Variants in AADACL4 observed in about 807,000 individuals in gnomAD.
AADACL4 encodes the protein arylacetamide deacetylase like 4.
In AADACL4, 9 loss-of-function variants were observed where a neutral mutation model predicts 14.1. The ratio of observed to expected loss-of-function variants is 0.64; its 90% CI spans 0.39 to 1.12. AADACL4 has a LOEUF of 1.12. Among genes scored for constraint, AADACL4 ranks in the 50% most tolerant of loss-of-function variants. The pLI is 0.01. For missense variants in AADACL4, 531 were observed against 516.1 expected (o/e 1.03, Z -0.28); for synonymous variants, 188 against 201.6 (o/e 0.93, Z 0.57).
rs995211119 is a variant in AADACL4 at position 12,644,441 on chromosome 1, G to C, written c.-106G>C. On this transcript the variant is annotated 5_prime_UTR_variant, in exon 1 of 4. Coordinates refer to ENST00000376221, the MANE Select transcript of AADACL4 (RefSeq NM_001013630.2). ...TGTGTCAGGTGTCAGGCTTAGCCCA[G>C]AGAGAGTGAGGTGGAGGAGGCGGAG... 6.0e-6 allele frequency: 8 copies of C among 1,343,596 alleles called. No homozygotes were observed. Among genetic ancestry groups the C allele is most frequent in the African/African-American group, 1.5e-5 (1 of 68,682 alleles). The allele number at this position is 1,343,596 out of a possible 1,614,324, so 83.2% of individuals were successfully genotyped here.
chr1:12,654,845 G>C (rs117110201), intron 2 of AADACL4, among the ~76,000 whole-genome samples: 4 of 151,372 alleles, frequency 2.6e-5, no homozygotes, highest in African/African-American at 4.9e-5. Context: ...TGGGCAAGAC[G>C]GCCCTCTCCG....
intron 2 of AADACL4, among the ~76,000 whole-genome samples, chr1:12,659,374 C>T (rs1647209173): frequency 6.6e-6 from 1 of 152,136 alleles, no homozygotes; most frequent in South Asian, 2.1e-4. Flanking sequence ...ACCTCAGGCT[C>T]AATGGATGAG....
At chr1:12,658,016 CT>C (rs1647192359) in intron 2 of AADACL4, among the ~76,000 whole-genome samples, 1 of 149,606 alleles carries the variant, frequency 6.7e-6, no homozygotes, top group South Asian at 2.1e-4. Context: ...CTCTCTCTCT[CT>C]CTTTCTTTCT....
chr1:12,654,210 G>A (rs1647167479), intron 2 of AADACL4, among the ~76,000 whole-genome samples: 1 of 152,146 alleles, frequency 6.6e-6, no homozygotes, highest in African/African-American at 2.4e-5. Context: ...AGAGAATTAC[G>A]GTCTCATTGT....
At chr1:12,654,519 T>G (rs187793236) in intron 2 of AADACL4, among the ~76,000 whole-genome samples, 1 of 152,308 alleles carries the variant, frequency 6.6e-6, no homozygotes, top group Non-Finnish European at 1.5e-5. Context: ...TGAGGCTGAT[T>G]TAGAAGCAGC....
chr1:12,658,002 TTCTCTC>T (rs150038118), intron 2 of AADACL4, among the ~76,000 whole-genome samples: 3 of 150,386 alleles, frequency 2.0e-5, no homozygotes, highest in African/African-American at 2.5e-5. Context: ...TCTTCTCCCC[TTCTCTC>T]TCTCTCTCTC....
intron 2 of AADACL4, among the ~76,000 whole-genome samples, chr1:12,658,091 CTT>C (rs777485517): frequency 1.6e-4 from 20 of 127,704 alleles, no homozygotes; most frequent in African/African-American, 4.0e-4. Flanking sequence ...CTTTCTTTCT[CTT>C]TCTTTCTCTC....
chr1:12,645,586 A>C (rs991140413), intron 1 of AADACL4, among the ~76,000 whole-genome samples: 2 of 152,092 alleles, frequency 1.3e-5, no homozygotes, highest in Non-Finnish European at 2.9e-5. Context: ...TCTGTTGCCC[A>C]GGCTGGAGTG....
chr1:12,665,877 TAA>T (rs1294557812), intron 3 of AADACL4, 82 bp from the exon 4 acceptor site: 31 of 1,376,830 alleles, frequency 2.3e-5, no homozygotes, highest in Non-Finnish European at 6.0e-6. Context: ...TATAGTCTTG[TAA>T]GGGGGTTGAG....
Position 12,665,981 on chromosome 1 carries a change from A to G in AADACL4, c.470A>G (p.His157Arg), listed in dbSNP as rs771488877. The G allele has an allele frequency of 3.7e-6, 6 of 1,608,400 alleles. No individual in the cohort carries two copies. The highest frequency in any genetic ancestry group is 1.1e-5 in the South Asian group (1 of 90,816). Residue 157 changes from histidine to arginine, a missense_variant, in exon 4 of 4, where the codon CAC becomes CGC. His to Arg is a conservative substitution (Grantham distance 29). Transcript: ENST00000376221. The stretch of plus-strand genomic sequence containing the variant: ...TTTAGGTACCGCAAGCTTCCTGACC[A>G]CCATTCCCCTGCCCTTTTCCAAGAC... ...LMIGYRKLPD[H>R]HSPALFQDCM... is the part of the protein sequence containing the mutation.
chr1:12,659,767 C>T (rs547170290), intron 2 of AADACL4, among the ~76,000 whole-genome samples: 18 of 151,720 alleles, frequency 1.2e-4, no homozygotes, highest in African/African-American at 2.7e-4. Context: ...TTCAGCCTCC[C>T]GAGTAGCTGG....
chr1:12,663,213 C>T (rs909601339), intron 3 of AADACL4, among the ~76,000 whole-genome samples: 3 of 152,282 alleles, frequency 2.0e-5, no homozygotes, highest in Admixed American at 6.5e-5. Context: ...TTTGGTTCTG[C>T]GAAGCCTTCA....
chr1:12,651,953 C>T (rs962513035), intron 2 of AADACL4, among the ~76,000 whole-genome samples: 2 of 151,796 alleles, frequency 1.3e-5, no homozygotes, highest in Admixed American at 6.6e-5. Flanking sequence ...CTCAGCCTCC[C>T]AAGTAGCTGG....
Position 12,651,121 on chromosome 1 carries a change from A to G in AADACL4, c.169-2A>G, listed in dbSNP as rs558877298. On this transcript the variant is annotated splice_acceptor_variant, in intron 1 of 3. Transcript: ENST00000376221. LOFTEE classifies it high-confidence loss of function. ...CTGGCTTTCTTTTGTTACCTCCAAC[A>G]GGGGAATATATTTGAGAAGCTGGGA... 4.3e-6 allele frequency: 7 copies of G among 1,613,846 alleles called. No individual in the cohort carries two copies. The South Asian group carries it at 5.5e-5, about 13-fold the overall frequency.
At chr1:12,655,147 A>C (rs1647173766) in intron 2 of AADACL4, among the ~76,000 whole-genome samples, 1 of 152,126 alleles carries the variant, frequency 6.6e-6, no homozygotes, top group Non-Finnish European at 1.5e-5. Context: ...TATATATACT[A>C]TATAGACTAT....
intron 2 of AADACL4, 66 bp downstream of exon 2, chr1:12,651,405 C>A: frequency 6.6e-7 from 1 of 1,505,630 alleles, no homozygotes; most frequent in Non-Finnish European, 9.2e-7. Flanking sequence ...TAGCTCATGC[C>A]TCCCGCAAGA....
chr1:12,656,970 C>T (rs187023394), intron 2 of AADACL4, among the ~76,000 whole-genome samples: 75 of 151,992 alleles, frequency 4.9e-4, no homozygotes, highest in Admixed American at 4.3e-3. Context: ...GTGAAACACC[C>T]CTTCTCTACA....
intron 1 of AADACL4, among the ~76,000 whole-genome samples, chr1:12,648,346 A>ATCCATCCATCCTTCCTTCCT (rs1553146865): frequency 1.4e-5 from 2 of 140,502 alleles, no homozygotes; most frequent in African/African-American, 5.7e-5. Flanking sequence ...TGGACCTCAG[A>ATCCATCCATCCTTCCTTCCT]TCCTTCCTTC....
At chr1:12,658,131 C>CTTTCTTTCTTTCTTTCTTTCTTT in intron 2 of AADACL4, among the ~76,000 whole-genome samples, 1 of 120,032 alleles carries the variant, frequency 8.3e-6, no homozygotes, top group African/African-American at 5.0e-5. Flanking sequence ...TTCCTTCCTT[C>CTTTCTTTCTTTCTTTCTTTCTTT]CTTCCTTCCT....
Sources: allele counts gnomAD v4.1 joint callset (sites outside exome capture counted in the v4.1 genomes callset), GRCh38; gene constraint gnomAD v4.1.1; transcripts MANE v1.5; gene names NCBI Gene and HGNC (gene_info 2026-07-23, HGNC 2026-07-21).